Variants in VRK1 observed in about 807,000 individuals in gnomAD.
VRK1 encodes serine/threonine-protein kinase VRK1.
VRK1 carries 33 observed loss-of-function variants against 57.1 expected under a neutral mutation model. The observed-to-expected ratio is 0.58, with a 90% CI of 0.44 to 0.77. The LOEUF (loss-of-function observed/expected upper bound fraction) is 0.77, where lower values mean the gene tolerates loss of function less well. VRK1 is among the 30% of genes least tolerant of loss of function. The pLI is 0.00. For synonymous variants in VRK1, 137 were observed against 147.8 expected (o/e 0.93, Z 0.53); for missense variants, 413 against 477.3 (o/e 0.87, Z 1.25).
chr14:96,856,476 A>T, intron 9 of VRK1, 52 bp from the exon 10 acceptor site: 1 of 1,494,504 alleles, frequency 6.7e-7, no homozygotes, highest in Non-Finnish European at 9.3e-7. Context: ...TTTTTATTTC[A>T]TATTAACATA....
intron 3 of VRK1, among the ~76,000 whole-genome samples, chr14:96,840,955 A>G (rs1369163259): frequency 6.6e-6 from 1 of 151,574 alleles, no homozygotes; most frequent in African/African-American, 2.4e-5. Context: ...TCCTGGGTTC[A>G]AGTGATCCTC....
At chr14:96,871,346 A>G (rs1287684373) in intron 11 of VRK1, among the ~76,000 whole-genome samples, 1 of 152,238 alleles carries the variant, frequency 6.6e-6, no homozygotes, top group African/African-American at 2.4e-5. Context: ...ATCTAAATTT[A>G]AACAAGTAGA....
intron 12 of VRK1, among the ~76,000 whole-genome samples, chr14:96,876,874 TC>T (rs1889057693): frequency 6.6e-6 from 1 of 151,944 alleles, no homozygotes; most frequent in Admixed American, 6.6e-5. Context: ...TTCCAATAGT[TC>T]CAGAAATGAC....
chr14:96,875,974 TG>T lies in VRK1; in HGVS notation c.1069-55del, dbSNP rs554041848. 229 of 1,562,362 alleles carry T rather than the reference TG, an allele frequency of 1.5e-4. No homozygotes were observed. The East Asian group carries it at 4.6e-3, about 32-fold the overall frequency. On this transcript the variant is annotated intron_variant, in intron 11 of 12. Coordinates refer to ENST00000216639, the MANE Select transcript of VRK1 (RefSeq NM_003384.3). ...CACACAGACAAATATGTGATGAGTT[TG>T]TAGTTTACTTGACTGTCAGATATCT... is the stretch of plus-strand genomic sequence containing the variant.
intron 1 of VRK1, among the ~76,000 whole-genome samples, chr14:96,814,527 CAAT>C (rs1034516393): frequency 1.3e-5 from 2 of 152,044 alleles, no homozygotes; most frequent in Non-Finnish European, 2.9e-5. Context: ...TACATGCACA[CAAT>C]AATAAATTTA....
At chr14:96,797,796 C>T (rs1885496351) in intron 1 of VRK1, among the ~76,000 whole-genome samples, 1 of 152,252 alleles carries the variant, frequency 6.6e-6, no homozygotes, top group Non-Finnish European at 1.5e-5. Flanking sequence ...GAAGCCGGTT[C>T]TGTCAGGCGG....
intron 12 of VRK1, among the ~76,000 whole-genome samples, chr14:96,877,222 T>C (rs1419742205): frequency 1.3e-5 from 2 of 152,208 alleles, no homozygotes; most frequent in African/African-American, 4.8e-5. Context: ...GCTAGTGACA[T>C]TAGTGCATGT....
intron 1 of VRK1, among the ~76,000 whole-genome samples, chr14:96,832,884 CTGT>C (rs1222444806): frequency 3.3e-5 from 5 of 152,140 alleles, no homozygotes; most frequent in Admixed American, 2.6e-4. Context: ...GTGCAATTTT[CTGT>C]TGTTCCACCA....
chr14:96,859,423 A>T (rs1054154290), intron 10 of VRK1, among the ~76,000 whole-genome samples: 2 of 152,160 alleles, frequency 1.3e-5, no homozygotes, highest in Non-Finnish European at 2.9e-5. Flanking sequence ...TACTGAAGGG[A>T]TATGGCAAAA....
chr14:96,844,763 A>G (rs112438082), intron 3 of VRK1, among the ~76,000 whole-genome samples: 2,207 of 152,230 alleles, frequency 0.014, 56 homozygotes, highest in African/African-American at 0.05. Flanking sequence ...GCTGGTCTTG[A>G]ACTCCTGACC....
intron 1 of VRK1, among the ~76,000 whole-genome samples, chr14:96,822,279 AAATT>A (rs749173839): frequency 9.9e-5 from 15 of 152,182 alleles, no homozygotes; most frequent in Admixed American, 2.0e-4. Flanking sequence ...TTGAGTAAAC[AAATT>A]AATTAAGCAG....
At chr14:96,836,536 T>G (rs866180523) in intron 2 of VRK1, among the ~76,000 whole-genome samples, 80 of 146,988 alleles carry the variant, frequency 5.4e-4, no homozygotes, top group South Asian at 2.5e-3. Flanking sequence ...TTTTTTTTTT[T>G]TTTTGAGATG....
intron 1 of VRK1, among the ~76,000 whole-genome samples, chr14:96,806,469 C>T (rs1595636889): frequency 6.6e-6 from 1 of 152,180 alleles, no homozygotes; most frequent in Non-Finnish European, 1.5e-5. Flanking sequence ...TTGTTCATTT[C>T]TTTTCCAGAG....
rs572110665 is a variant in VRK1 at position 96,840,602 on chromosome 14, T to C, written c.216+2785T>C. ...GAATATTGTGTGCATTTGTTTTTGATAATACAAATTAAAATATTAAAATCT... is the reference window on the plus strand; with the variant it reads ...GAATATTGTGTGCATTTGTTTTTGACAATACAAATTAAAATATTAAAATCT... On this transcript the variant is annotated intron_variant, in intron 3 of 12. Transcript: ENST00000216639. Among the ~76,000 whole-genome samples the C allele has an allele frequency of 2.6e-5, 4 of 152,216 alleles. No individual in the cohort carries two copies. The South Asian group carries it at 6.2e-4, about 24-fold the overall frequency.
Position 96,833,583 on chromosome 14 carries a change from A to G in VRK1, c.112A>G (p.Lys38Glu). The G allele has an allele frequency of 6.2e-7, 1 of 1,613,768 alleles. No homozygotes were observed. Among genetic ancestry groups the G allele is most frequent in the African/African-American group, 1.3e-5 (1 of 75,038 alleles). The change falls in exon 2 of 13, where the codon AAA (lysine) becomes GAA (glutamate). Residue 38 changes from lysine to glutamate, a missense_variant. Around this residue, in one of 3 missense-constraint regions of VRK1, gnomAD observed 116 missense variants for 113.6 expected, o/e 1.02. Coordinates refer to ENST00000216639, the MANE Select transcript of VRK1 (RefSeq NM_003384.3). ...IITDMAKKEW[K>E]VGLPIGQGGF... ...AACTGACATGGCAAAAAAGGAATGG[A>G]AAGTAGGATTACCCATTGGCCAAGG...
intron 12 of VRK1, chr14:96,877,265 G>C: frequency 3.8e-6 from 1 of 264,192 alleles, no homozygotes; most frequent in South Asian, 4.1e-5. Context: ...CTTTCAAAGA[G>C]AATCATTTTT....
At chr14:96,824,034 C>A (rs1280455533) in intron 1 of VRK1, among the ~76,000 whole-genome samples, 3 of 152,202 alleles carry the variant, frequency 2.0e-5, no homozygotes, top group Non-Finnish European at 2.9e-5. Flanking sequence ...TCCTAGAGAT[C>A]TGTTAACTTA....
chr14:96,825,290 A>G (rs1886758526), intron 1 of VRK1, among the ~76,000 whole-genome samples: 2 of 152,200 alleles, frequency 1.3e-5, no homozygotes, highest in Non-Finnish European at 2.9e-5. Flanking sequence ...GTTGATAATT[A>G]TGGCTTAGGA....
chr14:96,822,146 A>G (rs181403071), intron 1 of VRK1, among the ~76,000 whole-genome samples: 1 of 140,872 alleles, frequency 7.1e-6, no homozygotes, highest in Non-Finnish European at 1.5e-5. Context: ...TTAGAAAATT[A>G]TTTTTCTCTA....
Sources: allele counts gnomAD v4.1 joint callset (sites outside exome capture counted in the v4.1 genomes callset), GRCh38; gene constraint gnomAD v4.1.1; regional missense constraint gnomAD v4.1.1; transcripts MANE v1.5; gene names NCBI Gene and HGNC (gene_info 2026-07-23, HGNC 2026-07-21).